The following PCDHA2 variants were observed in gnomAD, a reference collection of about 807,000 sequenced individuals.
PCDHA2 encodes the protein protocadherin alpha 2.
In PCDHA2, 58 loss-of-function variants were observed where a neutral mutation model predicts 66.0. That is an observed-to-expected ratio of 0.88 (90% CI 0.71 to 1.09). The LOEUF (loss-of-function observed/expected upper bound fraction) is 1.09, where lower values mean the gene tolerates loss of function less well. Ranked by LOEUF, PCDHA2 falls within the 50% of genes least tolerant of loss-of-function variation. The probability of loss-of-function intolerance (pLI) is 0.00; values close to 1 mark genes in which losing one functional copy is unlikely to be tolerated. For missense variants in PCDHA2, 1,267 were observed against 1,242.3 expected (o/e 1.02, Z -0.30); for synonymous variants, 634 against 554.0 (o/e 1.14, Z -2.03).
chr5:140,840,656 A>T (rs1281424347), intron 1 of PCDHA2, among the ~76,000 whole-genome samples: 3 of 152,078 alleles, frequency 2.0e-5, no homozygotes, highest in Non-Finnish European at 4.4e-5. Flanking sequence ...TGTAAAGAAT[A>T]TGCACATACA....
At chr5:140,869,149 C>A in intron 1 of PCDHA2, 3 of 1,613,754 alleles carry the variant, frequency 1.9e-6, no homozygotes, top group Non-Finnish European at 2.5e-6. Flanking sequence ...ACGACTACAG[C>A]TCTGGCTTCT....
In PCDHA2 at chr5:141,005,428, G is replaced by T. The variant is rs907211430; in HGVS notation, c.2537-4199G>T. On this transcript the variant is annotated intron_variant, in intron 3 of 3. Transcript: ENST00000526136. ...AGAGTGAGGAGTCATGCTAAGAATG[G>T]ATGAGAGGCTCACGCCTGTAATCCC... Among the ~76,000 whole-genome samples, 21 of 152,154 alleles carry T rather than the reference G, an allele frequency of 1.4e-4. 1 individual carries two copies. The highest frequency in any genetic ancestry group is 1.2e-3 in the Admixed American group (19 of 15,266).
chr5:140,973,148 T>G (rs2096574239), intron 1 of PCDHA2, among the ~76,000 whole-genome samples: 1 of 152,210 alleles, frequency 6.6e-6, no homozygotes, highest in Non-Finnish European at 1.5e-5. Context: ...TTCACTTATT[T>G]TAAAGCAATT....
chr5:140,856,128 G>A lies in PCDHA2; in HGVS notation c.2388+58776G>A, dbSNP rs1554148229. On this transcript the variant is annotated intron_variant, in intron 1 of 3. Coordinates refer to ENST00000526136, the MANE Select transcript of PCDHA2 (RefSeq NM_018905.3). ...CTCCTCGCAGCCTGGGAGGTGGGGA[G>A]CGGCCAGCTCCACTACTCAGTCTAC... The A allele has an allele frequency of 1.9e-6, 3 of 1,598,140 alleles. 1 individual carries two copies. The highest frequency in any genetic ancestry group is 2.6e-6 in the Non-Finnish European group (3 of 1,167,806).
intron 1 of PCDHA2, among the ~76,000 whole-genome samples, chr5:140,923,319 A>G (rs1004006693): frequency 1.1e-4 from 16 of 152,264 alleles, no homozygotes; most frequent in African/African-American, 3.9e-4. Flanking sequence ...TTGGCCTAGA[A>G]GTTCAAGGAC....
chr5:140,957,709 A>T (rs1321290139), intron 1 of PCDHA2, among the ~76,000 whole-genome samples: 6 of 152,264 alleles, frequency 3.9e-5, no homozygotes, highest in Admixed American at 3.3e-4. Context: ...TGTAGTTTTT[A>T]TTAAGAAAGA....
intron 1 of PCDHA2, chr5:140,876,811 G>A (rs2153346110): frequency 9.3e-6 from 15 of 1,614,218 alleles, no homozygotes; most frequent in Non-Finnish European, 1.3e-5. Context: ...GGAGGTGGCC[G>A]ACGTGAACGA....
chr5:140,797,076 C>A lies in PCDHA2; in HGVS notation c.2112C>A (p.Ile704=). 1 of 1,613,920 alleles carries A rather than the reference C, an allele frequency of 6.2e-7. No individual in the cohort carries two copies. Among genetic ancestry groups the A allele is most frequent in the Non-Finnish European group, 8.5e-7 (1 of 1,179,970 alleles). The change falls in exon 1 of 4, where the codon ATC becomes ATA. Residue 704 remains isoleucine, a synonymous_variant. Coordinates refer to ENST00000526136, the MANE Select transcript of PCDHA2 (RefSeq NM_018905.3). ...VDVNVYLIIA[I]CAVSSLLVLT... ...TCAACGTGTACCTGATCATCGCCAT[C>A]TGCGCGGTATCCAGCCTGTTGGTGC... is the stretch of plus-strand genomic sequence containing the variant.
In PCDHA2 at chr5:140,870,598, G is replaced by A. The variant is rs1273087028; in HGVS notation, c.2388+73246G>A. On this transcript the variant is annotated intron_variant, in intron 1 of 3. Transcript: ENST00000526136. Reference sequence around the variant, plus strand: ...CTACTCGCTGGTGGAGCGGCGGTTGGGCGACCGCGCGCTGTCGAGCTACGT... The same window carrying A: ...CTACTCGCTGGTGGAGCGGCGGTTGAGCGACCGCGCGCTGTCGAGCTACGT... The A allele has an allele frequency of 3.7e-6, 6 of 1,613,282 alleles. No individual in the cohort carries two copies. The African/African-American group carries it at 8.0e-5, about 22-fold the overall frequency.
chr5:140,906,021 A>G (rs1422492231), intron 1 of PCDHA2, among the ~76,000 whole-genome samples: 1 of 152,182 alleles, frequency 6.6e-6, no homozygotes, highest in African/African-American at 2.4e-5. Context: ...TAATCTCTCC[A>G]CGTTCTTCTG....
intron 1 of PCDHA2, chr5:140,869,210 C>A (rs781978731): frequency 1.7e-5 from 28 of 1,613,814 alleles, no homozygotes; most frequent in African/African-American, 1.5e-4. Context: ...TACTCCGTCT[C>A]GGAGGAGGCC....
chr5:140,882,580 C>G (rs371338305), intron 1 of PCDHA2: 3 of 1,614,244 alleles, frequency 1.9e-6, no homozygotes, highest in East Asian at 4.5e-5. Flanking sequence ...AGTGCAGCAT[C>G]CACCTGGAGG....
chr5:140,801,639 C>A, intron 1 of PCDHA2: 1 of 1,614,212 alleles, frequency 6.2e-7, no homozygotes, highest in Non-Finnish European at 8.5e-7. Context: ...ATCCCGACAG[C>A]CTGGCTCTCG....
In PCDHA2 at chr5:140,841,358, C is replaced by A. The variant is rs2150314140; in HGVS notation, c.2388+44006C>A. ...CTGGCGAGGAGAGCTGGGATCCTGGCGACTACTACTCTTGCTTCTGCTCCT... is the reference window on the plus strand; with the variant it reads ...CTGGCGAGGAGAGCTGGGATCCTGGAGACTACTACTCTTGCTTCTGCTCCT... On this transcript the variant is annotated intron_variant, in intron 1 of 3. Coordinates refer to ENST00000526136, the MANE Select transcript of PCDHA2 (RefSeq NM_018905.3). 11 of 1,612,868 alleles carry A rather than the reference C, an allele frequency of 6.8e-6. No homozygotes were observed. In the Admixed American group the frequency reaches 1.2e-4, roughly 17 times the overall value.
At chr5:140,810,456 A>G (rs1372251098) in intron 1 of PCDHA2, 2 of 152,252 alleles carry the variant, frequency 1.3e-5, no homozygotes, top group Non-Finnish European at 2.9e-5. Flanking sequence ...CTAGTAGTGC[A>G]TAAGGCTTTC....
intron 1 of PCDHA2, among the ~76,000 whole-genome samples, chr5:140,902,415 G>T (rs887303649): frequency 1.3e-5 from 2 of 152,060 alleles, no homozygotes; most frequent in South Asian, 4.1e-4. Context: ...TTGAATAACA[G>T]TGGTGAAAGT....
chr5:140,882,057 A>C, intron 1 of PCDHA2: 1 of 790,730 alleles, frequency 1.3e-6, no homozygotes, highest in Non-Finnish European at 1.9e-6. Context: ...ACTTACACTT[A>C]CACGTTCATG....
rs545473160 is a variant in PCDHA2 at position 140,873,172 on chromosome 5, G to C, written c.2388+75820G>C. ...CATAGACTTTAGATCGAGAGCTTTT[G>C]TATCATAATATTCATTGGCTAAAAA... On this transcript the variant is annotated intron_variant, in intron 1 of 3. Transcript: ENST00000526136. 2.6e-5 allele frequency among the ~76,000 whole-genome samples: 4 copies of C among 152,084 alleles called. No individual in the cohort carries two copies. In the South Asian group the frequency reaches 8.3e-4, roughly 32 times the overall value.
chr5:140,845,157 C>T (rs1273679091), intron 1 of PCDHA2, among the ~76,000 whole-genome samples: 6 of 149,288 alleles, frequency 4.0e-5, no homozygotes, highest in Non-Finnish European at 7.5e-5. Context: ...TGTGTAAAAG[C>T]GAATTGTTTT....
Sources: gnomAD v4.1 joint callset for allele counts (sites outside exome capture counted in the v4.1 genomes callset) on GRCh38, gnomAD v4.1.1 for gene constraint, MANE v1.5 for transcripts, NCBI Gene and HGNC (gene_info 2026-07-23, HGNC 2026-07-21) for gene names.